The following SYT1 variants were observed in gnomAD, a reference collection of about 807,000 sequenced individuals.
SYT1 encodes the protein synaptotagmin 1.
Under a neutral mutation model 44.8 loss-of-function variants are expected in SYT1, and 8 were observed. That is an observed-to-expected ratio of 0.18 (90% confidence interval 0.10 to 0.32). The LOEUF (loss-of-function observed/expected upper bound fraction) is 0.32. Among genes scored for constraint, SYT1 ranks in the 10% least tolerant of loss-of-function variants. The pLI, the probability that SYT1 is intolerant of heterozygous loss-of-function variation, is 1.00. For synonymous variants in SYT1, 154 were observed against 188.8 expected (o/e 0.82, Z 1.51); for missense variants, 286 against 509.3 (o/e 0.56, Z 4.22).
chr12:79,276,170 C>T (rs1311813805), intron 4 of SYT1, among the ~76,000 whole-genome samples: 2 of 151,992 alleles, frequency 1.3e-5, no homozygotes, highest in African/African-American at 4.8e-5. Context: ...AGTTTTATAA[C>T]ACCCCCAAAA....
chr12:78,955,815 T>C (rs1879183255), intron 1 of SYT1, among the ~76,000 whole-genome samples: 1 of 151,166 alleles, frequency 6.6e-6, no homozygotes, highest in African/African-American at 2.4e-5. Context: ...TGTGTGTGTG[T>C]GTGTGTGTGT....
At chr12:79,013,620 C>T (rs1435890116) in intron 2 of SYT1, among the ~76,000 whole-genome samples, 1 of 152,128 alleles carries the variant, frequency 6.6e-6, no homozygotes, top group African/African-American at 2.4e-5. Flanking sequence ...TCCTCTATAA[C>T]ACCTAGGAGG....
At chr12:79,011,668 A>AG (rs1479324834) in intron 2 of SYT1, among the ~76,000 whole-genome samples, 1 of 151,510 alleles carries the variant, frequency 6.6e-6, no homozygotes, top group Non-Finnish European at 1.5e-5. Flanking sequence ...AAAAAAAAAA[A>AG]AAAAAAAAAC....
At chr12:79,223,857 T>C (rs1875323120) in intron 4 of SYT1, among the ~76,000 whole-genome samples, 1 of 152,182 alleles carries the variant, frequency 6.6e-6, no homozygotes, top group Non-Finnish European at 1.5e-5. Flanking sequence ...ACTGTGCAGT[T>C]GCAATGCTAG....
At chr12:79,328,317 C>T (rs1465622963) in intron 8 of SYT1, among the ~76,000 whole-genome samples, 2 of 152,170 alleles carry the variant, frequency 1.3e-5, no homozygotes, top group Non-Finnish European at 2.9e-5. Flanking sequence ...AATGAAATTA[C>T]AGGAAGATGC....
intron 1 of SYT1, among the ~76,000 whole-genome samples, chr12:78,880,168 G>A (rs1874376786): frequency 6.6e-6 from 1 of 151,606 alleles, no homozygotes; most frequent in South Asian, 2.1e-4. Flanking sequence ...CAACAAAACA[G>A]GCATGATTTT....
At chr12:78,899,978 AATAG>A (rs1427069659) in intron 1 of SYT1, among the ~76,000 whole-genome samples, 2 of 152,104 alleles carry the variant, frequency 1.3e-5, no homozygotes, top group Non-Finnish European at 2.9e-5. Flanking sequence ...AAGTCATATG[AATAG>A]ATAGACTCCT....
intron 2 of SYT1, among the ~76,000 whole-genome samples, chr12:79,047,047 T>C (rs934310264): frequency 2.6e-5 from 4 of 151,984 alleles, no homozygotes; most frequent in Non-Finnish European, 5.9e-5. Context: ...GAAAGCATAA[T>C]TGACTTTTCA....
intron 4 of SYT1, 33 bp from the exon 5 acceptor site, chr12:79,285,753 TG>T: frequency 6.6e-7 from 1 of 1,505,210 alleles, no homozygotes; most frequent in Non-Finnish European, 9.0e-7. Flanking sequence ...ATCTAAGTGT[TG>T]TATGACTAGT....
intron 4 of SYT1, among the ~76,000 whole-genome samples, chr12:79,220,855 T>A (rs1875117550): frequency 6.6e-6 from 1 of 152,186 alleles, no homozygotes; most frequent in African/African-American, 2.4e-5. Flanking sequence ...TCACATACGA[T>A]CTATTCTGAG....
rs182996720 is a variant in SYT1 at position 79,027,532 on chromosome 12, T to C, written c.-83-19765T>C. ...ATAAGTATAACAAATAATACATAGA[T>C]ATTATGTAGATATATATAAACTTGT... On this transcript the variant is annotated intron_variant, in intron 2 of 10. Coordinates refer to ENST00000261205, the MANE Select transcript of SYT1 (RefSeq NM_005639.3). Among the ~76,000 whole-genome samples the C allele has an allele frequency of 1.7e-4, 25 of 151,426 alleles. No individual in the cohort carries two copies. The East Asian group carries it at 4.5e-3, about 27-fold the overall frequency.
intron 3 of SYT1, among the ~76,000 whole-genome samples, chr12:79,179,201 T>G (rs868414405): frequency 2.6e-5 from 1 of 38,398 alleles, no homozygotes; most frequent in African/African-American, 2.6e-4. Flanking sequence ...TATAGATATA[T>G]AGATATAGAT....
intron 3 of SYT1, among the ~76,000 whole-genome samples, chr12:79,049,723 G>A (rs1195193125): frequency 6.6e-6 from 1 of 151,962 alleles, no homozygotes; most frequent in African/African-American, 2.4e-5. Flanking sequence ...CCATGAATGA[G>A]TTTTATGAAT....
At chr12:79,340,976 C>G (rs1003149385) in intron 8 of SYT1, among the ~76,000 whole-genome samples, 1 of 152,098 alleles carries the variant, frequency 6.6e-6, no homozygotes, top group Non-Finnish European at 1.5e-5. Context: ...ATAATGACAC[C>G]TACAATTTTA....
intron 4 of SYT1, among the ~76,000 whole-genome samples, chr12:79,234,708 C>CTTTTTTTTTTTTTTTTT (rs1565867795): frequency 9.7e-6 from 1 of 102,946 alleles, no homozygotes; most frequent in Non-Finnish European, 2.0e-5. Flanking sequence ...TTCTTTCTTT[C>CTTTTTTTTTTTTTTTTT]TTTCTTTTTT....
chr12:79,101,482 GT>G (rs1024321442), intron 3 of SYT1, among the ~76,000 whole-genome samples: 1 of 152,170 alleles, frequency 6.6e-6, no homozygotes, highest in Non-Finnish European at 1.5e-5. Flanking sequence ...GAGAGTCAGA[GT>G]ATACAAGGTA....
intron 4 of SYT1, among the ~76,000 whole-genome samples, chr12:79,254,660 T>C (rs1174045288): frequency 2.6e-5 from 4 of 152,220 alleles, no homozygotes; most frequent in African/African-American, 9.6e-5. Context: ...GAAAATCTTC[T>C]AGAAAGTATT....
chr12:79,314,123 C>A (rs543348607), intron 8 of SYT1, among the ~76,000 whole-genome samples: 27 of 138,018 alleles, frequency 2.0e-4, no homozygotes, highest in Non-Finnish European at 3.2e-4. Context: ...GAGCCGAGAT[C>A]GCGCCACTGC....
chr12:79,044,975 C>T (rs1037003463), intron 2 of SYT1, among the ~76,000 whole-genome samples: 14 of 152,316 alleles, frequency 9.2e-5, no homozygotes, highest in African/African-American at 2.2e-4. Context: ...GCAGTCTGCC[C>T]GTTCTCAGAT....
Sources: allele counts gnomAD v4.1 joint callset (sites outside exome capture counted in the v4.1 genomes callset), GRCh38; gene constraint gnomAD v4.1.1; transcripts MANE v1.5; gene names NCBI Gene and HGNC (gene_info 2026-07-23, HGNC 2026-07-21).